Variants in SV2B observed in about 807,000 individuals in gnomAD.
The protein encoded by SV2B is synaptic vesicle glycoprotein 2B.
In SV2B, 41 loss-of-function variants were observed where a neutral mutation model predicts 73.9. That is an observed-to-expected ratio of 0.56 (90% confidence interval 0.43 to 0.72). SV2B has a LOEUF of 0.72. Ranked by LOEUF, SV2B falls within the 30% of genes least tolerant of loss-of-function variation. The probability of loss-of-function intolerance (pLI) is 0.00; values close to 1 mark genes in which losing one functional copy is unlikely to be tolerated. For synonymous variants in SV2B, 314 were observed against 314.2 expected (o/e 1.00, Z 0.01); for missense variants, 764 against 857.8 (o/e 0.89, Z 1.37).
intron 2 of SV2B, among the ~76,000 whole-genome samples, chr15:91,246,704 C>T (rs900968325): frequency 1.4e-5 from 2 of 146,984 alleles, no homozygotes; most frequent in Non-Finnish European, 2.9e-5. Flanking sequence ...CACATCGCTC[C>T]TCCTTTCAAC....
At chr15:91,260,007 C>T (rs773323299) in intron 5 of SV2B, among the ~76,000 whole-genome samples, 7 of 152,108 alleles carry the variant, frequency 4.6e-5, no homozygotes, top group South Asian at 2.1e-4. Flanking sequence ...CAGTGACGAA[C>T]GTGCTTCCCA....
chr15:91,281,339 T>C lies in SV2B; in HGVS notation c.1374-389T>C, dbSNP rs1169520406. Among the ~76,000 whole-genome samples the C allele has an allele frequency of 6.6e-6, 1 of 152,224 alleles. No homozygotes were observed. The highest frequency in any genetic ancestry group is 1.5e-5 in the Non-Finnish European group (1 of 68,036). On this transcript the variant is annotated intron_variant, in intron 9 of 12. Transcript: ENST00000394232. This position sits in a 1 kb window ranked among gnomAD's most constrained non-coding sequence, Gnocchi z 4.7. ...AGATTCTCAGACCTTCACAATTCTA[T>C]GGCTTCCAAAACTTCTAGGACCACT...
intron 1 of SV2B, among the ~76,000 whole-genome samples, chr15:91,159,034 C>T (rs1380804124): frequency 1.3e-5 from 2 of 151,904 alleles, no homozygotes; most frequent in Non-Finnish European, 2.9e-5. Flanking sequence ...ACAGGGTGGC[C>T]GGGCGTGATG....
chr15:91,117,647 T>A (rs1430350290), intron 1 of SV2B, among the ~76,000 whole-genome samples: 2 of 152,216 alleles, frequency 1.3e-5, no homozygotes, highest in Non-Finnish European at 2.9e-5. Flanking sequence ...TAAACTGTCC[T>A]AGTATATTTA....
intron 1 of SV2B, among the ~76,000 whole-genome samples, chr15:91,143,504 T>G (rs1176857734): frequency 6.6e-6 from 1 of 152,222 alleles, no homozygotes; most frequent in Non-Finnish European, 1.5e-5. Context: ...ATTGCTCCAG[T>G]GTATTGACTT....
At chr15:91,215,177 C>T (rs2045983330) in intron 1 of SV2B, among the ~76,000 whole-genome samples, 1 of 152,204 alleles carries the variant, frequency 6.6e-6, no homozygotes, top group Non-Finnish European at 1.5e-5. Context: ...TCCCTACCAG[C>T]TTAGCTCCTG....
At chr15:91,217,194 G>C (rs184685285) in intron 1 of SV2B, among the ~76,000 whole-genome samples, 1 of 152,270 alleles carries the variant, frequency 6.6e-6, no homozygotes, top group East Asian at 1.9e-4. Flanking sequence ...ACTATTAACT[G>C]TGTTCATTAA....
intron 9 of SV2B, among the ~76,000 whole-genome samples, chr15:91,269,713 G>C (rs181750529): frequency 3.5e-4 from 53 of 152,322 alleles, no homozygotes; most frequent in Admixed American, 1.2e-3. Flanking sequence ...TTTAGCTAAG[G>C]CTTCCTGTTA....
At chr15:91,125,227 G>A (rs904644350) in intron 1 of SV2B, among the ~76,000 whole-genome samples, 12 of 152,088 alleles carry the variant, frequency 7.9e-5, no homozygotes, top group Non-Finnish European at 1.0e-4. Context: ...ATCCAAATAC[G>A]GTCACATTCT....
At chr15:91,164,165 C>T (rs1277710415) in intron 1 of SV2B, among the ~76,000 whole-genome samples, 1 of 152,076 alleles carries the variant, frequency 6.6e-6, no homozygotes, top group Non-Finnish European at 1.5e-5. Context: ...GTGAAAATGG[C>T]CATACTGCCC....
intron 1 of SV2B, among the ~76,000 whole-genome samples, chr15:91,168,759 T>A (rs1034112166): frequency 2.0e-5 from 3 of 152,230 alleles, no homozygotes; most frequent in Non-Finnish European, 4.4e-5. Flanking sequence ...TTTTTTAGAA[T>A]CCTCTCATAC....
intron 1 of SV2B, among the ~76,000 whole-genome samples, chr15:91,111,067 C>T (rs548399048): frequency 1.3e-5 from 2 of 152,142 alleles, no homozygotes; most frequent in South Asian, 2.1e-4. Context: ...GCGCCGCCCA[C>T]GTCTGTGGCA....
chr15:91,188,153 A>G (rs2044847988), intron 1 of SV2B, among the ~76,000 whole-genome samples: 2 of 152,072 alleles, frequency 1.3e-5, no homozygotes, highest in East Asian at 3.8e-4. Context: ...CAAGAGGTAT[A>G]ACTGGAGATC....
chr15:91,252,225 G>A lies in SV2B; in HGVS notation c.633-144G>A. The A allele has an allele frequency of 4.1e-6, 5 of 1,220,128 alleles. No individual in the cohort carries two copies. The highest frequency in any genetic ancestry group is 3.4e-6 in the Non-Finnish European group (3 of 876,890). 75.6% of individuals were successfully genotyped at this position (1,220,128 alleles called of 1,614,324 possible). On this transcript the variant is annotated intron_variant, in intron 3 of 12. Transcript: ENST00000394232. This position sits in a 1 kb window ranked among gnomAD's most constrained non-coding sequence, Gnocchi z 4.6. ...AATCCAAGACTGCTTCCCACATGTAGAGAGGAACTAACTGGCCGGTCTCTC... is the reference window on the plus strand; with the variant it reads ...AATCCAAGACTGCTTCCCACATGTAAAGAGGAACTAACTGGCCGGTCTCTC...
At chr15:91,206,793 G>A (rs192745567) in intron 1 of SV2B, among the ~76,000 whole-genome samples, 28 of 152,214 alleles carry the variant, frequency 1.8e-4, no homozygotes, top group African/African-American at 6.5e-4. Context: ...TGACATAAAA[G>A]AGCATATTTA....
At chr15:91,204,610 A>G (rs1273415859) in intron 1 of SV2B, among the ~76,000 whole-genome samples, 1 of 146,990 alleles carries the variant, frequency 6.8e-6, no homozygotes, top group Non-Finnish European at 1.5e-5. Context: ...ATACTAGAGC[A>G]TAGTGGCTCG....
intron 5 of SV2B, among the ~76,000 whole-genome samples, chr15:91,259,193 C>A (rs531442367): frequency 6.6e-6 from 1 of 152,180 alleles, no homozygotes; most frequent in African/African-American, 2.4e-5. Context: ...TGGTACAGCT[C>A]GTTGCTGCTC....
At chr15:91,157,323 G>C (rs918961635) in intron 1 of SV2B, among the ~76,000 whole-genome samples, 1 of 152,128 alleles carries the variant, frequency 6.6e-6, no homozygotes, top group African/African-American at 2.4e-5. Context: ...AGGTGTCCTA[G>C]ATCAACAGAA....
Position 91,124,660 on chromosome 15 carries a change from ATT to A in SV2B, c.-392+24309_-392+24310del, listed in dbSNP as rs61616641. Among the ~76,000 whole-genome samples, 8 of 147,628 alleles carry A rather than the reference ATT, an allele frequency of 5.4e-5. No homozygotes were observed. The highest frequency in any genetic ancestry group is 2.0e-4 in the African/African-American group (8 of 40,502). ...CAGAAATTTCTTTCTTTCAACAAAA[ATT>A]TTTTTTTTTTTGAGACAGTCTCACT... On this transcript the variant is annotated intron_variant, in intron 1 of 12. Transcript: ENST00000394232. This position sits in a 1 kb window ranked among gnomAD's most constrained non-coding sequence, Gnocchi z 4.6.
Sources: allele counts gnomAD v4.1 joint callset (sites outside exome capture counted in the v4.1 genomes callset), GRCh38; gene constraint gnomAD v4.1.1; non-coding constraint Gnocchi (gnomAD v3.1); transcripts MANE v1.5; gene names NCBI Gene and HGNC (gene_info 2026-07-23, HGNC 2026-07-21).